Variants in TTN observed in about 807,000 individuals in gnomAD.
The protein encoded by TTN is connectin.
In TTN, 1,525 loss-of-function variants were observed where a neutral mutation model predicts 3,223.0. That is an observed-to-expected ratio of 0.47 (90% CI 0.45 to 0.49). TTN has a LOEUF of 0.49. Ranked by LOEUF, TTN falls within the 20% of genes least tolerant of loss-of-function variation. The pLI, the probability that TTN is intolerant of heterozygous loss-of-function variation, is 0.00. For missense variants in TTN, 40,786 were observed against 43,424.0 expected, an observed-to-expected ratio of 0.94 and a Z score of 5.40; for synonymous variants, 14,094 against 15,161.0, an observed-to-expected ratio of 0.93 and a Z score of 5.17.
intron 294 of TTN, among the ~76,000 whole-genome samples, chr2:178,596,023 C>T (rs2051497500): frequency 7.1e-6 from 1 of 141,522 alleles, no homozygotes; most frequent in Non-Finnish European, 1.5e-5. Context: ...GGGAGTCTCG[C>T]TCTGTCACCC....
intron 300 of TTN, 25 bp from the exon 301 acceptor site, chr2:178,592,685 C>T: frequency 3.1e-6 from 5 of 1,611,718 alleles, no homozygotes; most frequent in Non-Finnish European, 4.2e-6. Context: ...ACAGAACACT[C>T]AGATTTGATC....
rs773027240 is a variant in TTN at position 178,608,812 on chromosome 2, T to G, written c.52199A>C (p.Glu17400Ala). The change falls in exon 274 of 363, where the codon GAA becomes GCA. Residue 17400 changes from glutamate to alanine, a missense_variant. Coordinates refer to ENST00000589042, the MANE Select transcript of TTN (RefSeq NM_001267550.2). ...WEPPLDDGGS[E>A]IINYTLEKKD... is the part of the protein sequence containing the mutation. ...CTTTTCCAAAGTGTAGTTTATGATT[T>G]CACTGCCACCATCATCAAGGGGTGG... 197 of 1,612,506 alleles carry G rather than the reference T, an allele frequency of 1.2e-4. 1 individual carries two copies. Among genetic ancestry groups the G allele is most frequent in the Non-Finnish European group, 1.6e-4 (190 of 1,179,272 alleles).
intron 43 of TTN, among the ~76,000 whole-genome samples, chr2:178,761,546 G>T (rs940818144): frequency 6.6e-6 from 1 of 152,158 alleles, no homozygotes; most frequent in Non-Finnish European, 1.5e-5. Flanking sequence ...ATCATAGGAT[G>T]CCACTGTGTT....
chr2:178,666,826 G>T lies in TTN; in HGVS notation c.35873C>A (p.Thr11958Lys), dbSNP rs781622774. The change falls in exon 163 of 363, where the codon ACA (threonine) becomes AAA (lysine). Residue 11958 changes from threonine to lysine, a missense_variant and splice_region_variant. Transcript: ENST00000589042. ...GGTGACTTTCTTCCAACTTGTACCT[G>T]TTGGTGATGGTGTTTTTCTTCTTTT... ...IVKRRKTPSPTVPESPREIVP... is the reference protein window; with the variant it reads ...IVKRRKTPSPKVPESPREIVP... 10 of 1,562,790 alleles carry T rather than the reference G, an allele frequency of 6.4e-6. No individual in the cohort carries two copies. The highest frequency in any genetic ancestry group is 7.8e-6 in the Non-Finnish European group (9 of 1,153,684).
At position 178,582,327 on chromosome 2, in the gene TTN, G is replaced by A; in HGVS notation, c.66129C>T (p.Phe22043=). 1 of 1,600,596 alleles carries A rather than the reference G, an allele frequency of 6.2e-7. No homozygotes were observed. Among genetic ancestry groups the A allele is most frequent in the Non-Finnish European group, 8.5e-7 (1 of 1,173,694 alleles). ...ENKYGVGDPV[F]TEPAIAKNPY... is the part of the protein sequence containing the mutation. Reference sequence around the variant, plus strand: ...GGTTTTTGGCAATTGCTGGTTCAGTGAAGACTGGATCGCCTACTCCATATT... The same window carrying A: ...GGTTTTTGGCAATTGCTGGTTCAGTAAAGACTGGATCGCCTACTCCATATT... The change falls in exon 314 of 363, where the codon TTC becomes TTT. Residue 22043 remains phenylalanine (F), a synonymous_variant. Transcript: ENST00000589042.
chr2:178,756,921 C>T, intron 45 of TTN, 124 bp from the exon 46 acceptor site: 3 of 830,198 alleles, frequency 3.6e-6, no homozygotes, highest in Non-Finnish European at 5.5e-6. Context: ...CACTTGAAAG[C>T]AGCATGCCAG....
chr2:178,531,288 T>C lies in TTN; in HGVS notation c.105327A>G (p.Leu35109=), dbSNP rs773338663. 13 of 1,613,908 alleles carry C rather than the reference T, an allele frequency of 8.1e-6. No individual in the cohort carries two copies. The highest frequency in any genetic ancestry group is 2.2e-5 in the East Asian group (1 of 44,906). Residue 35109 remains leucine, a synonymous_variant, in exon 358 of 363, where the codon TTA becomes TTG. Coordinates refer to ENST00000589042, the MANE Select transcript of TTN (RefSeq NM_001267550.2). The part of the protein sequence containing the change: ...SASAEMKSAA[L]EEKSLEEKST... ...ATTTTTCTTCCAGTGACTTTTCTTC[T>C]AATGCAGCACTTTTCATTTCTGCAG...
rs376339761 is a variant in TTN, at chr2:178,735,596, G to C, written c.14850C>G (p.Ala4950=). 2 of 1,613,278 alleles carry C rather than the reference G, an allele frequency of 1.2e-6. No homozygotes were observed. Among genetic ancestry groups the C allele is most frequent in the Non-Finnish European group, 8.5e-7 (1 of 1,179,682 alleles). The part of the protein sequence containing the change: ...DKIATLEIPL[A]KLKDSGTYVC... ...CATAGGTTCCTGAATCTTTCAGTTT[G>C]GCCAAAGGAATCTCAAGTGTTGCTA... The change falls in exon 50 of 363, where the codon GCC becomes GCG. Residue 4950 remains alanine, a synonymous_variant. Transcript: ENST00000589042.
intron 10 of TTN, among the ~76,000 whole-genome samples, chr2:178,791,667 G>GTGTGTA (rs2093506142): frequency 6.6e-6 from 1 of 150,758 alleles, no homozygotes; most frequent in Non-Finnish European, 1.5e-5. Flanking sequence ...GTGTATATGT[G>GTGTGTA]TGTGTGTGTG....
rs1357258606 is a variant in TTN at position 178,576,680 on chromosome 2, T to C, written c.69564A>G (p.Arg23188=). The C allele has an allele frequency of 6.2e-7, 1 of 1,613,564 alleles. No homozygotes were observed. Among genetic ancestry groups the C allele is most frequent in the Non-Finnish European group, 8.5e-7 (1 of 1,179,628 alleles). The change falls in exon 325 of 363, where the codon AGA becomes AGG. Residue 23188 remains arginine, a synonymous_variant. Transcript: ENST00000589042. The surrounding 1 kb of genome is among the most constrained non-coding windows in gnomAD (Gnocchi z 4.3). ...RREKKSLRWV[R]AIKTPVSDLR... is the part of the protein sequence containing the mutation. The stretch of plus-strand genomic sequence containing the variant: ...GATCGGAAACTGGTGTTTTTATTGC[T>C]CTCACCCATCGCAGGCTTTTCTTTT...
intron 159 of TTN, 100 bp downstream of exon 159, chr2:178,669,271 TAA>T: frequency 1.1e-6 from 1 of 910,330 alleles, no homozygotes; most frequent in South Asian, 1.8e-5. Context: ...TAGGCTTTTA[TAA>T]GAGTTTAGTA....
intron 102 of TTN, among the ~76,000 whole-genome samples, chr2:178,705,889 A>G (rs1003647402): frequency 2.0e-5 from 3 of 152,226 alleles, no homozygotes; most frequent in African/African-American, 7.2e-5. Flanking sequence ...TTTCATACCT[A>G]GGCACAGACA....
In TTN at chr2:178,576,719, A is replaced by G. The variant is rs774189877; in HGVS notation, c.69525T>C (p.His23175=). The G allele has an allele frequency of 8.7e-6, 14 of 1,613,310 alleles. No homozygotes were observed. The highest frequency in any genetic ancestry group is 1.1e-5 in the Non-Finnish European group (13 of 1,179,614). ...DDGGSEITGY[H]VERREKKSLR... ...GGCTTTTCTTTTCTCTCCTTTCTACATGATATCCTGTAATTTCGCTGCCAC... is the reference window on the plus strand; with the variant it reads ...GGCTTTTCTTTTCTCTCCTTTCTACGTGATATCCTGTAATTTCGCTGCCAC... The change falls in exon 325 of 363, where the codon CAT becomes CAC. Residue 23175 remains histidine (H), a synonymous_variant. Transcript: ENST00000589042. This position sits in a 1 kb window ranked among gnomAD's most constrained non-coding sequence, Gnocchi z 4.3.
chr2:178,750,787 C>T (rs1476865400), intron 47 of TTN: 1 of 1,612,988 alleles, frequency 6.2e-7, no homozygotes, highest in African/African-American at 1.3e-5. Context: ...TAGCTTGAGA[C>T]ACATTTTCAG....
rs72677250 is a variant in TTN, at chr2:178,611,417, C to T, written c.50812G>A (p.Glu16938Lys). The T allele has an allele frequency of 1.1e-5, 18 of 1,612,862 alleles. No homozygotes were observed. The highest frequency in any genetic ancestry group is 3.3e-5 in the South Asian group (3 of 91,058). Reference sequence around the variant, plus strand: ...ACATTTTCAGAGATTTCAGATGGCTCGCTGACACCAATAGCATTGACTGCT... The same window carrying T: ...ACATTTTCAGAGATTTCAGATGGCTTGCTGACACCAATAGCATTGACTGCT... ...VRAVNAIGVS[E>K]PSEISENVVA... The change falls in exon 269 of 363, where the codon GAG becomes AAG. Residue 16938 changes from glutamate to lysine, a missense_variant. Glu to Lys is a moderately conservative substitution (Grantham distance 56). Coordinates refer to ENST00000589042, the MANE Select transcript of TTN (RefSeq NM_001267550.2).
Position 178,581,803 on chromosome 2 carries a change from A to T in TTN, c.66465T>A (p.Tyr22155Ter). 6.3e-7 allele frequency: 1 copy of T among 1,593,618 alleles called. No homozygotes were observed. Among genetic ancestry groups the T allele is most frequent in the Non-Finnish European group, 8.5e-7 (1 of 1,170,946 alleles). The change falls in exon 316 of 363, where the codon TAT (tyrosine) becomes TAA (stop). Residue 22155 changes from tyrosine to a stop codon, truncating the protein, a stop_gained and splice_region_variant. Transcript: ENST00000589042. LOFTEE classifies it high-confidence loss of function. Reference sequence around the variant, plus strand: ...TAGGGAAAGCCGGTGGGCCAGGAGGATCTGAGAATAAATAATGATAGGAAA... The same window carrying T: ...TAGGGAAAGCCGGTGGGCCAGGAGGTTCTGAGAATAAATAATGATAGGAAA... Reference protein sequence around the residue: ...SKAAYARDPQYPPGPPAFPKV... With the variant: ...SKAAYARDPQ
rs367880653 is a variant in TTN at position 178,583,617 on chromosome 2, G to A, written c.65565C>T (p.Leu21855=). ...TCAGCAGAATCTTACCATTTTCTGC[G>A]AGGATAGTCACTGGATCAGAAGGTT... ...PSEPSDPVTI[L]AENVPPRIDL... Residue 21855 remains leucine (L), a synonymous_variant, in exon 312 of 363, where the codon CTC becomes CTT. Transcript: ENST00000589042. 2.1e-5 allele frequency: 34 copies of A among 1,598,126 alleles called. No homozygotes were observed. Among genetic ancestry groups the A allele is most frequent in the South Asian group, 3.4e-5 (3 of 89,196 alleles).
chr2:178,802,037 C>A (rs557351969), intron 3 of TTN, 101 bp downstream of exon 3: 4 of 1,403,370 alleles, frequency 2.9e-6, no homozygotes, highest in Non-Finnish European at 3.0e-6. Flanking sequence ...AGTTTAAGAG[C>A]TGCATCTACC....
intron 8 of TTN, 25 bp downstream of exon 8, chr2:178,794,374 T>A (rs1453173966): frequency 6.2e-7 from 1 of 1,613,770 alleles, no homozygotes; most frequent in Non-Finnish European, 8.5e-7. Flanking sequence ...GCTCTGCGGG[T>A]GCCCCATGGC....
Sources: allele counts gnomAD v4.1 joint callset (sites outside exome capture counted in the v4.1 genomes callset), GRCh38; gene constraint gnomAD v4.1.1; non-coding constraint Gnocchi (gnomAD v3.1); transcripts MANE v1.5; gene names NCBI Gene and HGNC (gene_info 2026-07-23, HGNC 2026-07-21).